Variants in WDR4 observed in about 807,000 individuals in gnomAD.
The protein encoded by WDR4 is tRNA (guanine-N(7)-)-methyltransferase non-catalytic subunit WDR4.
A neutral mutation model predicts 48.6 loss-of-function variants in WDR4; 47 were observed. The ratio of observed to expected loss-of-function variants is 0.97; its 90% CI spans 0.77 to 1.23. The LOEUF (loss-of-function observed/expected upper bound fraction) is 1.23, where lower values mean the gene tolerates loss of function less well. WDR4 is among the 50% of genes most tolerant of loss of function. The pLI is 0.00. For missense variants in WDR4, 606 were observed against 551.6 expected (o/e 1.10, Z -0.99); for synonymous variants, 268 against 230.0 (o/e 1.17, Z -1.49).
rs1439131843 is a variant in WDR4, at chr21:42,850,091, A to G, written c.1197T>C (p.His399=). Reference sequence around the variant, plus strand: ...CCTCCCCCGGTCTCATCTTCTTGGCATGCCCGTCGGGCCCAGGCGGGGGAC... The same window carrying G: ...CCTCCCCCGGTCTCATCTTCTTGGCGTGCCCGTCGGGCCCAGGCGGGGGAC... The part of the protein sequence containing the change: ...RRSPPPGPDG[H]AKKMRPGEAT... Residue 399 remains histidine, a synonymous_variant, in exon 11 of 11, where the codon CAT becomes CAC. Transcript: ENST00000398208. 1.3e-5 allele frequency: 21 copies of G among 1,614,024 alleles called. No homozygotes were observed. The Admixed American group carries it at 1.5e-4, about 12-fold the overall frequency.
intron 5 of WDR4, among the ~76,000 whole-genome samples, chr21:42,861,841 A>AC (rs1249092982): frequency 6.6e-6 from 1 of 152,220 alleles, no homozygotes; most frequent in Non-Finnish European, 1.5e-5. Context: ...AAACACCTCC[A>AC]CATGGGTCCT....
At chr21:42,890,086 A>C in the WDR4 span, among the ~76,000 whole-genome samples, 2 of 151,894 alleles carry the variant, frequency 1.3e-5, no homozygotes, top group Non-Finnish European at 2.9e-5. Flanking sequence ...TAAAAGAAAA[A>C]AATATATATA....
intron 1 of WDR4, among the ~76,000 whole-genome samples, chr21:42,877,371 T>A (rs1477687679): frequency 6.7e-6 from 1 of 150,358 alleles, no homozygotes; most frequent in Non-Finnish European, 1.5e-5. Flanking sequence ...CTCAAGCTCC[T>A]GACCTCAGAT....
intron 6 of WDR4, among the ~76,000 whole-genome samples, chr21:42,857,569 GAAGA>G (rs2058024413): frequency 6.6e-6 from 1 of 152,140 alleles, no homozygotes; most frequent in African/African-American, 2.4e-5. Context: ...GGAAGAAATT[GAAGA>G]AAGAAAAGTC....
intron 1 of WDR4, chr21:42,879,020 A>G (rs2058566531): frequency 1.9e-6 from 2 of 1,031,588 alleles, no homozygotes. Context: ...GCTTCTTCCC[A>G]GTTCTGCAGA....
rs1457118069 is a variant in WDR4, at chr21:42,867,469, A to T, written c.297-3873T>A. On this transcript the variant is annotated intron_variant, in intron 3 of 10. Transcript: ENST00000398208. Reference sequence around the variant, plus strand: ...GAGCCAAACACTGCTCTTTGCTCACATGCTGCAGGCTGCCCATCCCTCATC... The same window carrying T: ...GAGCCAAACACTGCTCTTTGCTCACTTGCTGCAGGCTGCCCATCCCTCATC... 2.0e-5 allele frequency among the ~76,000 whole-genome samples: 3 copies of T among 151,584 alleles called. No individual in the cohort carries two copies. The East Asian group carries it at 5.8e-4, about 29-fold the overall frequency.
the WDR4 span, among the ~76,000 whole-genome samples, chr21:42,890,520 A>G: frequency 0.6 from 91,325 of 152,104 alleles, 28,187 homozygotes; most frequent in African/African-American, 0.71. Flanking sequence ...TGGGCAGCAG[A>G]GCGAGACTCC....
the WDR4 span, among the ~76,000 whole-genome samples, chr21:42,885,284 G>T: frequency 6.6e-6 from 1 of 151,916 alleles, no homozygotes; most frequent in African/African-American, 2.4e-5. Flanking sequence ...GAAAGCCTTG[G>T]GTATTCATAG....
In WDR4 at chr21:42,879,477, G is replaced by C; in HGVS notation, c.19C>G (p.Leu7Val). The stretch of plus-strand genomic sequence containing the variant: ...ACCAACGTCTGCCCGCACAACGCCA[G>C]TCCCACAGAGCCCGCCATGTACCCG... MAGSVG[L>V]ALCGQTLVVR... The change falls in exon 1 of 11, where the codon CTG becomes GTG. Residue 7 changes from leucine to valine, a missense_variant. Leu to Val is a conservative substitution (Grantham distance 32). Transcript: ENST00000398208. 1.2e-6 allele frequency: 2 copies of C among 1,613,602 alleles called. No homozygotes were observed. Among genetic ancestry groups the C allele is most frequent in the Non-Finnish European group, 1.7e-6 (2 of 1,179,902 alleles).
upstream of WDR4, among the ~76,000 whole-genome samples, chr21:42,883,341 C>G (rs1601200686): frequency 7.9e-6 from 1 of 126,122 alleles, no homozygotes; most frequent in Non-Finnish European, 1.6e-5. Flanking sequence ...TACAAACTGG[C>G]AAGACGACAT....
At chr21:42,849,061 CCACA>C (rs772745135), downstream of WDR4, among the ~76,000 whole-genome samples, 13 of 129,182 alleles carry the variant, frequency 1.0e-4, no homozygotes, top group African/African-American at 1.5e-4. Flanking sequence ...GCGGCGTGCA[CCACA>C]CACACAGCGC....
downstream of WDR4, among the ~76,000 whole-genome samples, chr21:42,846,948 G>A (rs1265318710): frequency 6.6e-6 from 1 of 151,076 alleles, no homozygotes; most frequent in Non-Finnish European, 1.5e-5. Context: ...TTGAACCCGG[G>A]AGGCGGAGGT....
rs1409229725 is a variant in WDR4, at chr21:42,859,721, A to C, written c.568T>G (p.Phe190Val). The change falls in exon 6 of 11, where the codon TTT becomes GTT. Residue 190 changes from phenylalanine to valine, a missense_variant and splice_region_variant. Coordinates refer to ENST00000398208, the MANE Select transcript of WDR4 (RefSeq NM_018669.6). ...GGCACCACGGAGATACGGCTCACAAACCTGTGAGGGCGAGAGAGAGCGGCA... is the reference window on the plus strand; with the variant it reads ...GGCACCACGGAGATACGGCTCACAACCCTGTGAGGGCGAGAGAGAGCGGCA... ...IESFCLGHTE[F>V]VSRISVVPTQ... is the part of the protein sequence containing the mutation. 1 of 1,559,200 alleles carries C rather than the reference A, an allele frequency of 6.4e-7. No homozygotes were observed. The highest frequency in any genetic ancestry group is 8.7e-7 in the Non-Finnish European group (1 of 1,151,554).
At position 42,873,480 on chromosome 21, in the gene WDR4, C is replaced by T. The variant is rs2839593; in HGVS notation, c.296+71G>A. Reference sequence around the variant, plus strand: ...CACCCTTATCACCATGTTATGGTCACTATTGCTACAGGCATGCAAGGATAA... The same window carrying T: ...CACCCTTATCACCATGTTATGGTCATTATTGCTACAGGCATGCAAGGATAA... On this transcript the variant is annotated intron_variant, in intron 3 of 10. Transcript: ENST00000398208. 9.2e-3 allele frequency: 14,643 copies of T among 1,587,548 alleles called. 103 individuals carry two copies. The highest frequency in any genetic ancestry group is 0.014 in the South Asian group (1,207 of 87,722).
chr21:42,856,793 GCA>G (rs564504505), intron 6 of WDR4, among the ~76,000 whole-genome samples: 2 of 151,576 alleles, frequency 1.3e-5, no homozygotes, highest in East Asian at 1.9e-4. Context: ...ACATACACAC[GCA>G]CACACACACA....
chr21:42,852,467 G>T, intron 9 of WDR4, 143 bp from the exon 10 acceptor site: 1 of 864,700 alleles, frequency 1.2e-6, no homozygotes. Flanking sequence ...CTTCTGTGGA[G>T]ACCTGGGGAG....
Position 42,850,164 on chromosome 21 carries a change from T to G in WDR4, c.1124A>C (p.Lys375Thr). ...FDNVTSYLKK[K>T]EERLQQQLEK... ...TAGCTGCTGCTGCAGTCTCTCCTCT[T>G]TCTTCTTCAGGTAGGAGGTCACGTT... Residue 375 changes from lysine (K) to threonine (T), a missense_variant, in exon 11 of 11, where the codon AAA becomes ACA. By Grantham distance (78) the Lys-to-Thr change is moderately conservative (BLOSUM62 -1). Transcript: ENST00000398208. 6.2e-7 allele frequency: 1 copy of G among 1,614,104 alleles called. No individual in the cohort carries two copies.
intron 6 of WDR4, among the ~76,000 whole-genome samples, chr21:42,858,846 C>T (rs923493931): frequency 2.9e-4 from 44 of 152,230 alleles, no homozygotes; most frequent in Admixed American, 2.9e-3. Context: ...TAGAAGCGGC[C>T]AGAAGGTCCA....
chr21:42,854,273 A>G (rs2057924972), intron 8 of WDR4, among the ~76,000 whole-genome samples: 1 of 152,242 alleles, frequency 6.6e-6, no homozygotes, highest in Non-Finnish European at 1.5e-5. Flanking sequence ...TGATGCCACC[A>G]CGACTGGCCC....
Sources: allele counts gnomAD v4.1 joint callset (sites outside exome capture counted in the v4.1 genomes callset), GRCh38; gene constraint gnomAD v4.1.1; transcripts MANE v1.5; gene names NCBI Gene and HGNC (gene_info 2026-07-23, HGNC 2026-07-21).